The following GALNTL6 variants were observed in gnomAD, a reference collection of about 807,000 sequenced individuals.
GALNTL6 encodes polypeptide N-acetylgalactosaminyltransferase-like 6.
A neutral mutation model predicts 73.7 loss-of-function variants in GALNTL6; 46 were observed. The ratio of observed to expected loss-of-function variants is 0.62; its 90% confidence interval spans 0.49 to 0.80. The LOEUF is 0.80. Among genes scored for constraint, GALNTL6 ranks in the 30% least tolerant of loss-of-function variants. GALNTL6 has a pLI of 0.00. For synonymous variants in GALNTL6, 259 were observed against 263.7 expected, an observed-to-expected ratio of 0.98 and a Z score of 0.17; for missense variants, 604 against 755.0, an observed-to-expected ratio of 0.80 and a Z score of 2.34.
At chr4:172,315,833 A>G (rs191745506) in intron 4 of GALNTL6, among the ~76,000 whole-genome samples, 144 of 152,178 alleles carry the variant, frequency 9.5e-4, no homozygotes, top group Admixed American at 2.0e-3. Context: ...TGATTTTGCC[A>G]TGTCTTTGTA....
chr4:172,500,687 G>GT (rs1734233962), intron 5 of GALNTL6, among the ~76,000 whole-genome samples: 1 of 148,946 alleles, frequency 6.7e-6, no homozygotes, highest in Non-Finnish European at 1.5e-5. Flanking sequence ...TTTTTTTTTT[G>GT]TTTTTTGTTT....
intron 5 of GALNTL6, among the ~76,000 whole-genome samples, chr4:172,480,451 T>A (rs1733408246): frequency 6.6e-6 from 1 of 152,226 alleles, no homozygotes; most frequent in African/African-American, 2.4e-5. Context: ...AGACCTATGC[T>A]CAAATCCTTT....
chr4:172,696,080 C>T (rs900027020), intron 5 of GALNTL6, among the ~76,000 whole-genome samples: 1 of 152,144 alleles, frequency 6.6e-6, no homozygotes, highest in African/African-American at 2.4e-5. Context: ...GCTCCTTGGT[C>T]AATGATAATG....
At chr4:172,084,531 G>C (rs1466170418) in intron 2 of GALNTL6, among the ~76,000 whole-genome samples, 1 of 152,130 alleles carries the variant, frequency 6.6e-6, no homozygotes, top group African/African-American at 2.4e-5. Context: ...ACAGTGCAAT[G>C]GTGTGATCAC....
intron 5 of GALNTL6, among the ~76,000 whole-genome samples, chr4:172,657,324 G>A (rs1193874890): frequency 2.0e-5 from 3 of 152,112 alleles, no homozygotes; most frequent in East Asian, 3.8e-4. Context: ...TGTGGCTCGC[G>A]ATAATTAATG....
At chr4:172,893,812 T>C (rs1561018687) in intron 8 of GALNTL6, among the ~76,000 whole-genome samples, 1 of 152,160 alleles carries the variant, frequency 6.6e-6, no homozygotes, top group Non-Finnish European at 1.5e-5. Context: ...GTTTGAGCTC[T>C]TCCTCTGCCT....
chr4:172,117,675 G>A (rs187942552), intron 2 of GALNTL6, among the ~76,000 whole-genome samples: 6 of 152,224 alleles, frequency 3.9e-5, no homozygotes, highest in Admixed American at 6.5e-5. Flanking sequence ...ACAGGAGGAC[G>A]TAAAAACAAA....
intron 5 of GALNTL6, among the ~76,000 whole-genome samples, chr4:172,698,028 A>T (rs984289795): frequency 3.9e-5 from 6 of 152,186 alleles, no homozygotes; most frequent in African/African-American, 1.4e-4. Context: ...TCAGCTGTTC[A>T]ATCCTATGTG....
chr4:172,845,122 G>A (rs1743420831), intron 7 of GALNTL6, among the ~76,000 whole-genome samples: 1 of 151,442 alleles, frequency 6.6e-6, no homozygotes, highest in East Asian at 1.9e-4. Flanking sequence ...GGAGGGTGAG[G>A]CAGGAGAATC....
intron 5 of GALNTL6, chr4:172,380,041 A>G: frequency 1.0e-6 from 1 of 960,854 alleles, no homozygotes; most frequent in South Asian, 1.3e-5. Flanking sequence ...AATATTATTC[A>G]TGGCATATAG....
chr4:172,617,719 G>A lies in GALNTL6; in HGVS notation c.554-191642G>A, dbSNP rs184892350. ...GATGGTCTCAATCTCCTGACCTCAT[G>A]ATCTACCCGCCTCGGCCTCCCTAAG... On this transcript the variant is annotated intron_variant, in intron 5 of 12. Coordinates refer to ENST00000506823, the MANE Select transcript of GALNTL6 (RefSeq NM_001034845.3). Among the ~76,000 whole-genome samples the A allele has an allele frequency of 6.8e-4, 104 of 152,056 alleles. 1 individual carries two copies. The highest frequency in any genetic ancestry group is 4.6e-3 in the Admixed American group (71 of 15,272).
At chr4:172,409,611 A>T (rs1029696188) in intron 5 of GALNTL6, among the ~76,000 whole-genome samples, 74 of 152,162 alleles carry the variant, frequency 4.9e-4, no homozygotes, top group African/African-American at 1.7e-3. Context: ...TATAATACTA[A>T]TGAGAACATT....
At chr4:172,124,031 A>G (rs906753219) in intron 2 of GALNTL6, among the ~76,000 whole-genome samples, 1 of 152,178 alleles carries the variant, frequency 6.6e-6, no homozygotes, top group Non-Finnish European at 1.5e-5. Flanking sequence ...GAAAAATCAA[A>G]ACTGTAGATG....
intron 4 of GALNTL6, among the ~76,000 whole-genome samples, chr4:172,340,217 G>A (rs550474163): frequency 8.6e-5 from 13 of 151,938 alleles, no homozygotes; most frequent in East Asian, 3.9e-4. Flanking sequence ...TGTCTATTTC[G>A]TCAAATACTT....
At chr4:172,487,216 T>C (rs990600545) in intron 5 of GALNTL6, among the ~76,000 whole-genome samples, 1 of 118,956 alleles carries the variant, frequency 8.4e-6, no homozygotes, top group Non-Finnish European at 1.9e-5. Flanking sequence ...TTCTTTCTCC[T>C]TCCTTCCTTC....
chr4:172,460,223 G>A (rs1010219224), intron 5 of GALNTL6, among the ~76,000 whole-genome samples: 7 of 152,162 alleles, frequency 4.6e-5, no homozygotes, highest in Non-Finnish European at 1.0e-4. Flanking sequence ...ATTAACTCAA[G>A]ATGGATTAAA....
At chr4:172,301,398 C>G (rs1053531498) in intron 3 of GALNTL6, among the ~76,000 whole-genome samples, 5 of 152,208 alleles carry the variant, frequency 3.3e-5, no homozygotes, top group Non-Finnish European at 5.9e-5. Flanking sequence ...CAGCTTTGTT[C>G]CATTGCTCGT....
chr4:172,118,788 AG>A (rs1733062444), intron 2 of GALNTL6, among the ~76,000 whole-genome samples: 2 of 152,016 alleles, frequency 1.3e-5, no homozygotes, highest in Admixed American at 6.5e-5. Context: ...GGTGGAGGAG[AG>A]CTGCTTTCCT....
chr4:172,091,791 AT>A (rs575148166), intron 2 of GALNTL6, among the ~76,000 whole-genome samples: 249 of 152,318 alleles, frequency 1.6e-3, no homozygotes, highest in African/African-American at 5.8e-3. Context: ...ACAAAAGCAT[AT>A]TTTACAAAAT....
Sources: allele counts gnomAD v4.1 joint callset (sites outside exome capture counted in the v4.1 genomes callset), GRCh38; gene constraint gnomAD v4.1.1; transcripts MANE v1.5; gene names NCBI Gene and HGNC (gene_info 2026-07-23, HGNC 2026-07-21).